BGN: variants seen among roughly 807,000 people sequenced by gnomAD.
The protein encoded by BGN is bone/cartilage proteoglycan-I.
A neutral mutation model predicts 20.0 loss-of-function variants in BGN; 6 were observed. The observed-to-expected ratio is 0.30, with a 90% CI of 0.16 to 0.59. BGN has a LOEUF of 0.59. Ranked by LOEUF, BGN falls within the 20% of genes least tolerant of loss-of-function variation. The pLI, the probability that BGN is intolerant of heterozygous loss-of-function variation, is 0.88. For synonymous variants in BGN, 146 were observed against 134.6 expected, an observed-to-expected ratio of 1.08 and a Z score of -0.59; for missense variants, 292 against 312.1, an observed-to-expected ratio of 0.94 and a Z score of 0.49.
intron 1 of BGN, among the ~76,000 whole-genome samples, chrX:153,499,760 G>A (rs965224231): frequency 3.5e-5 from 4 of 112,932 alleles, no homozygotes; most frequent in Admixed American, 9.3e-5. Context: ...AGCCATCGGC[G>A]GGGAGGGACT....
At chrX:153,504,001 G>A (rs2089779778) in intron 1 of BGN, among the ~76,000 whole-genome samples, 1 of 111,644 alleles carries the variant, frequency 9.0e-6, no homozygotes, top group Non-Finnish European at 1.9e-5. Context: ...CGGCCTCCAA[G>A]GATACCCCCT....
rs184060732 is a variant in BGN at position 153,501,564 on chromosome X, C to T, written c.-11-3057C>T. On this transcript the variant is annotated intron_variant, in intron 1 of 7. Coordinates refer to ENST00000331595, the MANE Select transcript of BGN (RefSeq NM_001711.6). ...CAGCTCCAGGGGATCCTATCCTTCC[C>T]CCCAGGCTCCCCTGGCTCCCTCTGA... Among the ~76,000 whole-genome samples the T allele has an allele frequency of 4.8e-3, 547 of 112,901 alleles. 2 individuals are homozygous for T. The highest frequency in any genetic ancestry group is 7.3e-3 in the Non-Finnish European group (386 of 53,241).
At chrX:153,498,369 G>A (rs182687136) in intron 1 of BGN, among the ~76,000 whole-genome samples, 142 of 112,713 alleles carry the variant, frequency 1.3e-3, no homozygotes, top group Non-Finnish European at 2.5e-3. Flanking sequence ...CCCTGTCCCT[G>A]GAGGCAGGGG....
intron 1 of BGN, among the ~76,000 whole-genome samples, chrX:153,500,713 ATG>A (rs1190073214): frequency 1.9e-5 from 2 of 104,445 alleles, no homozygotes; most frequent in African/African-American, 6.9e-5. Context: ...GTATGTATGT[ATG>A]TGTGCATGTA....
At chrX:153,502,894 C>T (rs191899019) in intron 1 of BGN, among the ~76,000 whole-genome samples, 52 of 112,699 alleles carry the variant, frequency 4.6e-4, no homozygotes, top group African/African-American at 1.6e-3. Flanking sequence ...GCCTGGCAGC[C>T]GCTATAGCCA....
intron 4 of BGN, 131 bp downstream of exon 4, chrX:153,506,207 T>G: frequency 1.4e-6 from 1 of 736,747 alleles, no homozygotes; most frequent in Non-Finnish European, 2.0e-6. Context: ...AATCCATGGA[T>G]TTCTTGGCAA....
rs935189725 is a variant in BGN, at chrX:153,509,542, A to T, written c.*1097A>T. ...CTTTCCATTAAAGAAACACCGTGCA[A>T]CGTGGCTCCGTGCGCTGCTCCTGTG... is the stretch of plus-strand genomic sequence containing the variant. On this transcript the variant is annotated 3_prime_UTR_variant, in exon 8 of 8. Coordinates refer to ENST00000331595, the MANE Select transcript of BGN (RefSeq NM_001711.6). 8.9e-6 allele frequency: 1 copy of T among 112,484 alleles called. No homozygotes were observed. Among genetic ancestry groups the T allele is most frequent in the Non-Finnish European group, 1.9e-5 (1 of 53,162 alleles). 9.3% of individuals were successfully genotyped at this position (112,484 alleles called of 1,213,427 possible). A position where few individuals can be genotyped will look rare whatever the true frequency, so the allele number is the denominator to read the frequency against.
At chrX:153,508,181 T>C in intron 7 of BGN, 67 bp from the exon 8 acceptor site, 2 of 1,140,223 alleles carry the variant, frequency 1.8e-6, no homozygotes, top group Non-Finnish European at 2.4e-6. Flanking sequence ...GCAAAATGCC[T>C]CCTGGAGGCA....
In BGN at chrX:153,505,326, C is replaced by T; in HGVS notation, c.327C>T (p.Asp109=). Residue 109 remains aspartate (D), a synonymous_variant, in exon 3 of 8, where the codon GAC becomes GAT. Coordinates refer to ENST00000331595, the MANE Select transcript of BGN (RefSeq NM_001711.6). ...ACATCTCCGAGCTCCGCAAGGATGA[C>T]TTCAAGGGTCTCCAGCACCTCTACG... ...NNDISELRKD[D]FKGLQHLYAL... 1.7e-6 allele frequency: 2 copies of T among 1,208,817 alleles called. No homozygotes were observed. The highest frequency in any genetic ancestry group is 2.3e-4 in the Middle Eastern group (1 of 4,346).
At position 153,505,290 on chromosome X, in the gene BGN, G is replaced by C; in HGVS notation, c.291G>C (p.Leu97=). The change falls in exon 3 of 8, where the codon CTG becomes CTC. Residue 97 remains leucine, a synonymous_variant. Coordinates refer to ENST00000331595, the MANE Select transcript of BGN (RefSeq NM_001711.6). ...EISPDTTLLD[L]QNNDISELRK... ...CCCCTGACACCACGCTGCTGGACCT[G>C]CAGAACAACGACATCTCCGAGCTCC... The C allele has an allele frequency of 8.3e-7, 1 of 1,210,876 alleles. No homozygotes were observed. The highest frequency in any genetic ancestry group is 1.1e-6 in the Non-Finnish European group (1 of 894,736).
In BGN at chrX:153,508,314, G is replaced by C; in HGVS notation, c.976G>C (p.Gly326Arg). ...CAACGACTTCTGTCCCATGGGCTTC[G>C]GGGTGAAGCGGGCCTACTACAACGG... ...GVNDFCPMGF[G>R]VKRAYYNGIS... is the part of the protein sequence containing the mutation. Residue 326 changes from glycine (G) to arginine (R), a missense_variant, in exon 8 of 8, where the codon GGG becomes CGG. Physicochemically the swap from Gly to Arg is moderately radical, Grantham distance 125. Coordinates refer to ENST00000331595, the MANE Select transcript of BGN (RefSeq NM_001711.6). 1.7e-6 allele frequency: 2 copies of C among 1,211,948 alleles called. No individual in the cohort carries two copies. The highest frequency in any genetic ancestry group is 2.2e-6 in the Non-Finnish European group (2 of 895,475).
rs1259922061 is a variant in BGN at position 153,509,078 on chromosome X, T to C, written c.*633T>C. On this transcript the variant is annotated 3_prime_UTR_variant, in exon 8 of 8. Coordinates refer to ENST00000331595, the MANE Select transcript of BGN (RefSeq NM_001711.6). The stretch of plus-strand genomic sequence containing the variant: ...CTCTCTTTCTGTGTGTGTGTGTGTG[T>C]GTGTGTGTGTGTGTGTGTGTGTGTG... The C allele has an allele frequency of 9.3e-6, 1 of 107,991 alleles. No individual in the cohort carries two copies. Among genetic ancestry groups the C allele is most frequent in the Non-Finnish European group, 1.9e-5 (1 of 52,771 alleles). 8.9% of individuals were successfully genotyped at this position (107,991 alleles called of 1,213,427 possible). A position where few individuals can be genotyped will look rare whatever the true frequency, so the allele number is the denominator to read the frequency against.
chrX:153,503,679 C>A (rs921490252), intron 1 of BGN, among the ~76,000 whole-genome samples: 4 of 111,904 alleles, frequency 3.6e-5, no homozygotes, highest in Non-Finnish European at 7.5e-5. Flanking sequence ...CAGGCTCGGG[C>A]AGGGCTGCTT....
At chrX:153,506,746 C>T in intron 5 of BGN, 84 bp from the exon 6 acceptor site, 1 of 1,145,179 alleles carries the variant, frequency 8.7e-7, no homozygotes, top group Non-Finnish European at 1.2e-6. Context: ...AAAGGCTCAA[C>T]AGTCCCCTCC....
intron 1 of BGN, among the ~76,000 whole-genome samples, chrX:153,495,742 A>G (rs936619536): frequency 2.7e-5 from 3 of 112,331 alleles, no homozygotes; most frequent in Non-Finnish European, 5.6e-5. Flanking sequence ...TCGCTCGCTC[A>G]CCCCCAGGTT....
intron 1 of BGN, among the ~76,000 whole-genome samples, chrX:153,502,849 G>A (rs2089770141): frequency 8.9e-6 from 1 of 112,920 alleles, no homozygotes; most frequent in Admixed American, 9.2e-5. Context: ...GCTCAGGAGG[G>A]CTCCGGGGCT....
At chrX:153,504,341 C>A (rs1164361580) in intron 1 of BGN, among the ~76,000 whole-genome samples, 1 of 112,341 alleles carries the variant, frequency 8.9e-6, no homozygotes, top group Non-Finnish European at 1.9e-5. Context: ...GACATTTCAT[C>A]GCCTGATTAA....
intron 1 of BGN, chrX:153,495,532 C>T (rs1238325867): frequency 8.9e-6 from 1 of 112,411 alleles, no homozygotes; most frequent in Non-Finnish European, 1.9e-5. Context: ...ACTCCCTCAG[C>T]CTCGCTCTGC....
At chrX:153,503,934 G>A (rs1016942707) in intron 1 of BGN, among the ~76,000 whole-genome samples, 8 of 112,105 alleles carry the variant, frequency 7.1e-5, no homozygotes, top group South Asian at 3.7e-4. Context: ...TGTTGGGGGC[G>A]CCACGGCCTC....
Sources: gnomAD v4.1 joint callset for allele counts (sites outside exome capture counted in the v4.1 genomes callset) on GRCh38, gnomAD v4.1.1 for gene constraint, MANE v1.5 for transcripts, NCBI Gene and HGNC (gene_info 2026-07-23, HGNC 2026-07-21) for gene names.